Variants in GABRB1 observed in about 807,000 individuals in gnomAD.
GABRB1 encodes gamma-aminobutyric acid receptor subunit beta-1.
Under a neutral mutation model 51.6 loss-of-function variants are expected in GABRB1, and 17 were observed. The ratio of observed to expected loss-of-function variants is 0.33; its 90% confidence interval spans 0.23 to 0.49. The LOEUF (loss-of-function observed/expected upper bound fraction) is 0.49. Ranked by LOEUF, GABRB1 falls within the 20% of genes least tolerant of loss-of-function variation. GABRB1 has a pLI of 0.99. For synonymous variants in GABRB1, 247 were observed against 218.9 expected (o/e 1.13, Z -1.14); for missense variants, 410 against 600.6 (o/e 0.68, Z 3.32).
Position 47,358,938 on chromosome 4 carries a change from G to A in GABRB1, c.544+38729G>A, listed in dbSNP as rs1224556969. Among the ~76,000 whole-genome samples, 7 of 152,202 alleles carry A rather than the reference G, an allele frequency of 4.6e-5. No homozygotes were observed. The East Asian group carries it at 5.8e-4, about 13-fold the overall frequency. On this transcript the variant is annotated intron_variant, in intron 5 of 8. Transcript: ENST00000295454. ...CCTGTTCATAACCACCATTAAAATG[G>A]TAACCATAACACTATTGGAAGCCAA...
At chr4:47,192,411 T>C (rs1221573412) in intron 4 of GABRB1, among the ~76,000 whole-genome samples, 1 of 152,150 alleles carries the variant, frequency 6.6e-6, no homozygotes, top group African/African-American at 2.4e-5. Flanking sequence ...AAAAGGAAAA[T>C]GTAATTTAAT....
intron 4 of GABRB1, among the ~76,000 whole-genome samples, chr4:47,167,521 G>A: frequency 6.6e-6 from 1 of 152,066 alleles, no homozygotes; most frequent in Non-Finnish European, 1.5e-5. Context: ...CGTGAGCCCA[G>A]GGCCAGGTGG....
At chr4:47,283,379 TTTTTTTTTTTTTTTTTTTTTTTTTG>T (rs1723370550) in intron 4 of GABRB1, among the ~76,000 whole-genome samples, 1 of 86,768 alleles carries the variant, frequency 1.2e-5, no homozygotes, top group African/African-American at 5.3e-5. Context: ...TTTTTTTTTT[TTTTTTTTTTTTTTTTTTTTTTTTTG>T]AGACAGAGTC....
At chr4:47,038,273 T>C (rs988600568) in intron 3 of GABRB1, among the ~76,000 whole-genome samples, 4 of 152,164 alleles carry the variant, frequency 2.6e-5, no homozygotes, top group African/African-American at 7.2e-5. Context: ...ATCTAGGGCC[T>C]CTTGAATCAT....
At chr4:47,295,744 G>A (rs987799247) in intron 4 of GABRB1, among the ~76,000 whole-genome samples, 1 of 152,116 alleles carries the variant, frequency 6.6e-6, no homozygotes, top group Admixed American at 6.5e-5. Context: ...TTCAGATTCA[G>A]GACATACAGA....
chr4:47,058,555 C>T (rs972513938), intron 3 of GABRB1, among the ~76,000 whole-genome samples: 12 of 152,248 alleles, frequency 7.9e-5, no homozygotes, highest in African/African-American at 2.9e-4. Context: ...ATATGATTCA[C>T]ATGGCAGGTG....
At chr4:47,350,218 T>TAGAGAGAGAGAGAGAG (rs59905765) in intron 5 of GABRB1, among the ~76,000 whole-genome samples, 67 of 56,638 alleles carry the variant, frequency 1.2e-3, no homozygotes, top group African/African-American at 5.0e-3. Context: ...TATATATATA[T>TAGAGAGAGAGAGAGAG]AGAGAGAGAG....
At chr4:47,175,221 T>C (rs1454871053) in intron 4 of GABRB1, among the ~76,000 whole-genome samples, 4 of 151,636 alleles carry the variant, frequency 2.6e-5, no homozygotes, top group Admixed American at 2.6e-4. Flanking sequence ...TCTCTCTTTC[T>C]TCTCTTTCTT....
At chr4:47,064,492 G>GC (rs1011005681) in intron 3 of GABRB1, among the ~76,000 whole-genome samples, 9 of 152,022 alleles carry the variant, frequency 5.9e-5, no homozygotes, top group Admixed American at 5.9e-4. Context: ...AAAAAAATTA[G>GC]CCAGGAGTGG....
At chr4:47,004,117 TAG>T (rs1331832707) in intron 1 of GABRB1, among the ~76,000 whole-genome samples, 1 of 151,906 alleles carries the variant, frequency 6.6e-6, no homozygotes, top group East Asian at 1.9e-4. Context: ...GCCTCCCGAG[TAG>T]CTGGGACTAC....
chr4:47,410,489 T>C (rs573685643), intron 8 of GABRB1, among the ~76,000 whole-genome samples: 1 of 152,270 alleles, frequency 6.6e-6, no homozygotes, highest in East Asian at 1.9e-4. Context: ...CTGAGGGATG[T>C]GGGGCAGCAA....
At chr4:47,400,921 C>CTTTTTTTTT (rs71195629) in intron 5 of GABRB1, among the ~76,000 whole-genome samples, 12 of 98,566 alleles carry the variant, frequency 1.2e-4, no homozygotes, top group African/African-American at 4.5e-4. Context: ...TTGTTCTTCT[C>CTTTTTTTTT]TTTTTTTTTT....
At chr4:47,344,628 AT>A (rs375164017) in intron 5 of GABRB1, among the ~76,000 whole-genome samples, 4 of 152,034 alleles carry the variant, frequency 2.6e-5, no homozygotes, top group African/African-American at 9.7e-5. Flanking sequence ...TTGGATTTAC[AT>A]TTTTTTAAAA....
intron 3 of GABRB1, among the ~76,000 whole-genome samples, chr4:47,145,979 T>C (rs1442821683): frequency 6.6e-6 from 1 of 152,040 alleles, no homozygotes; most frequent in Non-Finnish European, 1.5e-5. Flanking sequence ...ATACAAGGTG[T>C]CTCTTGTCCT....
chr4:47,382,999 AACCTCTGTGAC>A (rs1157940342), intron 5 of GABRB1, among the ~76,000 whole-genome samples: 1 of 152,226 alleles, frequency 6.6e-6, no homozygotes, highest in Non-Finnish European at 1.5e-5. Context: ...CTACTACAAT[AACCTCTGTGAC>A]ACCAATCTAG....
intron 5 of GABRB1, among the ~76,000 whole-genome samples, chr4:47,385,618 A>G (rs998138101): frequency 6.6e-5 from 10 of 151,978 alleles, no homozygotes; most frequent in Non-Finnish European, 1.5e-4. Flanking sequence ...CAATTCTCCT[A>G]CTCTCTGGAC....
intron 5 of GABRB1, among the ~76,000 whole-genome samples, chr4:47,387,763 G>T (rs1403967085): frequency 6.6e-6 from 1 of 152,106 alleles, no homozygotes; most frequent in Non-Finnish European, 1.5e-5. Context: ...GTCAGAACAG[G>T]GTTGTATAGA....
At chr4:47,022,307 T>G (rs531234629) in intron 1 of GABRB1, among the ~76,000 whole-genome samples, 1 of 152,226 alleles carries the variant, frequency 6.6e-6, no homozygotes, top group South Asian at 2.1e-4. Context: ...AATGATTTTA[T>G]AGTGCCAACA....
At chr4:47,135,914 T>C (rs1166446907) in intron 3 of GABRB1, among the ~76,000 whole-genome samples, 2 of 152,180 alleles carry the variant, frequency 1.3e-5, no homozygotes, top group Non-Finnish European at 2.9e-5. Context: ...TTGTCTGTAA[T>C]AGCTTCTTCT....
Sources: gnomAD v4.1 joint callset for allele counts (sites outside exome capture counted in the v4.1 genomes callset) on GRCh38, gnomAD v4.1.1 for gene constraint, MANE v1.5 for transcripts, NCBI Gene and HGNC (gene_info 2026-07-23, HGNC 2026-07-21) for gene names.